The following CNBD1 variants were observed in gnomAD, a reference collection of about 807,000 sequenced individuals.
CNBD1 encodes cyclic nucleotide-binding domain-containing protein 1.
Under a neutral mutation model 54.4 loss-of-function variants are expected in CNBD1, and 71 were observed. That is an observed-to-expected ratio of 1.30 (90% CI 1.08 to 1.59). The LOEUF is 1.59. CNBD1 is among the 40% of genes most tolerant of loss of function. CNBD1 has a pLI of 0.00. For synonymous variants in CNBD1, 182 were observed against 170.7 expected, an observed-to-expected ratio of 1.07 and a Z score of -0.51; for missense variants, 659 against 518.0, an observed-to-expected ratio of 1.27 and a Z score of -2.64.
chr8:87,424,050 T>C (rs1329977754), intron 2 of CNBD1, among the ~76,000 whole-genome samples: 1 of 152,240 alleles, frequency 6.6e-6, no homozygotes, highest in African/African-American at 2.4e-5. Flanking sequence ...CTAGATTTTC[T>C]AGTTTATTTG....
intron 5 of CNBD1, 71 bp from the exon 6 acceptor site, chr8:87,236,848 T>C (rs764804468): frequency 3.4e-5 from 28 of 819,144 alleles, no homozygotes; most frequent in Non-Finnish European, 5.3e-5. Flanking sequence ...AAGTGTAATA[T>C]ATATATTAGT....
chr8:87,172,412 G>A (rs1563495014), intron 4 of CNBD1, among the ~76,000 whole-genome samples: 2 of 151,928 alleles, frequency 1.3e-5, no homozygotes, highest in African/African-American at 2.4e-5. Context: ...GACTAAACCC[G>A]ATCTTTCTTT....
At chr8:87,340,601 G>A (rs909607200) in intron 8 of CNBD1, among the ~76,000 whole-genome samples, 51 of 151,634 alleles carry the variant, frequency 3.4e-4, no homozygotes, top group Admixed American at 2.2e-3. Flanking sequence ...CTCTTTTTCT[G>A]TTGTTGTTTT....
intron 8 of CNBD1, among the ~76,000 whole-genome samples, chr8:87,342,166 G>T (rs555872195): frequency 2.0e-5 from 3 of 152,142 alleles, no homozygotes; most frequent in East Asian, 1.9e-4. Flanking sequence ...CCAGCTACTT[G>T]AGAGGCTGAG....
chr8:87,312,291 T>A (rs10089547), intron 8 of CNBD1, among the ~76,000 whole-genome samples: 58,260 of 151,774 alleles, frequency 0.38, 11,420 homozygotes, highest in Middle Eastern at 0.45. Context: ...CATTTTAACC[T>A]TTTGTAACAA....
chr8:86,960,113 C>T (rs1175349984), intron 4 of CNBD1, among the ~76,000 whole-genome samples: 1 of 152,130 alleles, frequency 6.6e-6, no homozygotes, highest in African/African-American at 2.4e-5. Context: ...AACTGAGGTA[C>T]CAGGTTCATC....
chr8:87,328,860 G>A (rs1348208921), intron 8 of CNBD1, among the ~76,000 whole-genome samples: 3 of 151,776 alleles, frequency 2.0e-5, no homozygotes, highest in Non-Finnish European at 2.9e-5. Flanking sequence ...TCTTTTTGAT[G>A]CTACTGTAAA....
intron 6 of CNBD1, among the ~76,000 whole-genome samples, chr8:87,237,991 C>A (rs553529076): frequency 6.8e-6 from 1 of 146,092 alleles, no homozygotes; most frequent in South Asian, 2.1e-4. Context: ...TATAATGGAC[C>A]TAATGCTATT....
rs747453078 is a variant in CNBD1 at position 86,866,578 on chromosome 8, T to C, written c.83T>C (p.Ile28Thr). ...GTGCCTCCTCCTCCACTTCACAGTA[T>C]ACCAAGTGAGTGGGAAATACTTTGA... The part of the protein sequence containing the change: ...NNVPPPPLHS[I>T]PNLKKSKHIN... The change falls in exon 1 of 11, where the codon ATA becomes ACA. Residue 28 changes from isoleucine to threonine, a missense_variant. Coordinates refer to ENST00000518476, the MANE Select transcript of CNBD1 (RefSeq NM_173538.3). 3.1e-6 allele frequency: 5 copies of C among 1,602,046 alleles called. No individual in the cohort carries two copies. The Admixed American group carries it at 5.1e-5, about 16-fold the overall frequency.
At chr8:87,074,100 CAA>C (rs34907275) in intron 4 of CNBD1, among the ~76,000 whole-genome samples, 8,171 of 106,896 alleles carry the variant, frequency 0.076, 333 homozygotes, top group African/African-American at 0.14. Flanking sequence ...GACTCCATCT[CAA>C]AAAAAAAAAA....
intron 5 of CNBD1, among the ~76,000 whole-genome samples, chr8:87,232,345 G>T (rs1416348235): frequency 6.6e-6 from 1 of 151,926 alleles, no homozygotes; most frequent in Non-Finnish European, 1.5e-5. Flanking sequence ...ATAAAAAACT[G>T]CCAGATATTT....
chr8:87,181,462 T>G (rs890931950), intron 4 of CNBD1, among the ~76,000 whole-genome samples: 1 of 152,226 alleles, frequency 6.6e-6, no homozygotes, highest in Non-Finnish European at 1.5e-5. Context: ...CTCAGAAGTT[T>G]GTCAATAATT....
intron 4 of CNBD1, among the ~76,000 whole-genome samples, chr8:86,988,000 C>A (rs530232072): frequency 6.6e-6 from 1 of 152,020 alleles, no homozygotes; most frequent in Admixed American, 6.6e-5. Flanking sequence ...ATCAGGCTGA[C>A]GCTAGCTTAA....
At chr8:87,025,561 A>G (rs937698659) in intron 4 of CNBD1, among the ~76,000 whole-genome samples, 4 of 151,850 alleles carry the variant, frequency 2.6e-5, no homozygotes, top group African/African-American at 9.7e-5. Context: ...GAGACCGCGA[A>G]CCCACCAGGT....
At chr8:87,253,696 A>C (rs1807954491) in intron 6 of CNBD1, among the ~76,000 whole-genome samples, 1 of 152,210 alleles carries the variant, frequency 6.6e-6, no homozygotes, top group South Asian at 2.1e-4. Context: ...TTGACAAACT[A>C]GAACTAGGGA....
intron 4 of CNBD1, among the ~76,000 whole-genome samples, chr8:87,107,052 A>G (rs2130699880): frequency 6.7e-6 from 1 of 149,424 alleles, no homozygotes; most frequent in African/African-American, 2.5e-5. Flanking sequence ...TTGATCTTGA[A>G]CTCCTGACCT....
At chr8:87,121,892 A>G (rs1273466242) in intron 4 of CNBD1, among the ~76,000 whole-genome samples, 3 of 151,588 alleles carry the variant, frequency 2.0e-5, no homozygotes, top group African/African-American at 7.3e-5. Flanking sequence ...GTGTGTATAT[A>G]TATATACACA....
chr8:87,339,367 C>A (rs1810017513), intron 8 of CNBD1, among the ~76,000 whole-genome samples: 1 of 152,148 alleles, frequency 6.6e-6, no homozygotes, highest in South Asian at 2.1e-4. Flanking sequence ...ATTCAGGTTT[C>A]CCTACGCTCG....
intron 2 of CNBD1, among the ~76,000 whole-genome samples, chr8:87,414,751 A>T (rs769826348): frequency 6.6e-6 from 1 of 151,138 alleles, no homozygotes; most frequent in Non-Finnish European, 1.5e-5. Context: ...TACTGGTGTG[A>T]CTTGAAAACT....
Sources: allele counts gnomAD v4.1 joint callset (sites outside exome capture counted in the v4.1 genomes callset), GRCh38; gene constraint gnomAD v4.1.1; transcripts MANE v1.5; gene names NCBI Gene and HGNC (gene_info 2026-07-23, HGNC 2026-07-21).